Variants in TTYH2 observed in about 807,000 individuals in gnomAD.
TTYH2 encodes tweety family member 2.
In TTYH2, 49 loss-of-function variants were observed where a neutral mutation model predicts 68.3. The observed-to-expected ratio is 0.72, with a 90% CI of 0.57 to 0.91. The LOEUF (loss-of-function observed/expected upper bound fraction) is 0.91, where lower values mean the gene tolerates loss of function less well. Among genes scored for constraint, TTYH2 ranks in the 40% least tolerant of loss-of-function variants. The pLI, the probability that TTYH2 is intolerant of heterozygous loss-of-function variation, is 0.00. For missense variants in TTYH2, 631 were observed against 700.4 expected (o/e 0.90, Z 1.12); for synonymous variants, 272 against 300.8 (o/e 0.90, Z 0.99).
intron 3 of TTYH2, among the ~76,000 whole-genome samples, chr17:74,233,535 C>T (rs910860781): frequency 7.9e-5 from 12 of 152,142 alleles, no homozygotes; most frequent in African/African-American, 2.9e-4. Context: ...ATGGGGGACT[C>T]GTCGACAGGT....
chr17:74,213,821 TTC>T lies in TTYH2; in HGVS notation c.129+110_129+111del. 7.2e-7 allele frequency: 1 copy of T among 1,381,352 alleles called. No individual in the cohort carries two copies. The highest frequency in any genetic ancestry group is 9.8e-7 in the Non-Finnish European group (1 of 1,015,514). 85.6% of individuals were successfully genotyped at this position (1,381,352 alleles called of 1,614,324 possible). A position where few individuals can be genotyped will look rare whatever the true frequency, so the allele number is the denominator to read the frequency against. On this transcript the variant is annotated intron_variant, in intron 1 of 13. Coordinates refer to ENST00000269346, the MANE Select transcript of TTYH2 (RefSeq NM_032646.6). This position sits in a 1 kb window ranked among gnomAD's most constrained non-coding sequence, Gnocchi z 6.1. ...CTTTCCCACGTGCCTCTCAGACCCC[TTC>T]TCTCCCCGCGCAGCCCTTTCCCGTC...
intron 7 of TTYH2, 128 bp from the exon 8 acceptor site, chr17:74,249,216 C>A: frequency 6.5e-7 from 1 of 1,548,476 alleles, no homozygotes; most frequent in Non-Finnish European, 8.9e-7. Context: ...TGCTCTAGGC[C>A]ATTTCCTAGA....
chr17:74,251,166 ATGTGCATGCTTGTGCGCATGTGTGC>A (rs1439452964), intron 10 of TTYH2, among the ~76,000 whole-genome samples: 1 of 148,866 alleles, frequency 6.7e-6, no homozygotes, highest in Non-Finnish European at 1.5e-5. Flanking sequence ...TGTGTGTGGT[ATGTGCATGCTTGTGCGCATGTGTGC>A]TGTGCATGCG....
chr17:74,244,237 G>C (rs1054785317), intron 6 of TTYH2, among the ~76,000 whole-genome samples, 188 bp downstream of exon 6: 1 of 152,246 alleles, frequency 6.6e-6, no homozygotes, highest in Non-Finnish European at 1.5e-5. Context: ...CCCAGAGAAA[G>C]GAAGGGGACT....
chr17:74,217,024 A>G lies in TTYH2; in HGVS notation c.129+3308A>G, dbSNP rs1204250182. Among the ~76,000 whole-genome samples the G allele has an allele frequency of 1.3e-5, 2 of 152,226 alleles. No homozygotes were observed. Among genetic ancestry groups the G allele is most frequent in the Admixed American group, 6.5e-5 (1 of 15,278 alleles). ...CAGTGTTGGGGAGAAGGGAATGGGC[A>G]CCTGGCACTGAATCCAGCAATGTCT... On this transcript the variant is annotated intron_variant, in intron 1 of 13. Transcript: ENST00000269346. The surrounding 1 kb of genome is among the most constrained non-coding windows in gnomAD (Gnocchi z 4.0).
chr17:74,257,473 C>A (rs1425170652), intron 13 of TTYH2, among the ~76,000 whole-genome samples: 1 of 152,162 alleles, frequency 6.6e-6, no homozygotes, highest in African/African-American at 2.4e-5. Flanking sequence ...CTGCGCCCCA[C>A]CCTCCCCGGG....
chr17:74,227,782 GC>G (rs549744882), intron 2 of TTYH2, among the ~76,000 whole-genome samples: 2 of 141,220 alleles, frequency 1.4e-5, no homozygotes, highest in Admixed American at 7.1e-5. Context: ...AATGTCTCCT[GC>G]CCCCCCATCT....
chr17:74,253,913 C>T (rs770322139), intron 13 of TTYH2, 80 bp downstream of exon 13: 5 of 1,429,384 alleles, frequency 3.5e-6, no homozygotes, highest in Non-Finnish European at 4.9e-6. Flanking sequence ...ATCCTGTCCA[C>T]AAAGGCAGAA....
At chr17:74,228,275 C>T (rs146391319) in intron 2 of TTYH2, among the ~76,000 whole-genome samples, 317 of 152,244 alleles carry the variant, frequency 2.1e-3, no homozygotes, top group African/African-American at 7.2e-3. Context: ...TGAGCCACTG[C>T]GCCTGGTAGG....
Position 74,222,319 on chromosome 17 carries a change from G to A in TTYH2, c.130-166G>A, listed in dbSNP as rs1421301591. On this transcript the variant is annotated intron_variant, in intron 1 of 13. Transcript: ENST00000269346. This position sits in a 1 kb window ranked among gnomAD's most constrained non-coding sequence, Gnocchi z 5.2. ...ACTCCCACCCAAGTGCCTCAGCGCC[G>A]GGCCCTCTGTTTACAGAGTAGGAGC... 2.6e-5 allele frequency among the ~76,000 whole-genome samples: 4 copies of A among 152,320 alleles called. No individual in the cohort carries two copies. The South Asian group carries it at 6.2e-4, about 24-fold the overall frequency.
At chr17:74,259,736 G>A (rs1442468262) in intron 13 of TTYH2, among the ~76,000 whole-genome samples, 1 of 152,132 alleles carries the variant, frequency 6.6e-6, no homozygotes, top group East Asian at 1.9e-4. Context: ...GCTAGAAAAG[G>A]CTGGAGAACC....
rs746398267 is a variant in TTYH2 at position 74,255,748 on chromosome 17, AT to A, written c.1524+1918del. Among the ~76,000 whole-genome samples the A allele has an allele frequency of 3.2e-4, 48 of 152,296 alleles. No individual in the cohort carries two copies. In the Middle Eastern group the frequency reaches 0.01, roughly 32 times the overall value. ...CACCGTGCCCGGCCAGAGCTGTGGC[AT>A]TTATAAGAAAGGACAAGGGGAATGA... On this transcript the variant is annotated intron_variant, in intron 13 of 13. Transcript: ENST00000269346.
In TTYH2 at chr17:74,232,899, C is replaced by T. The variant is rs2050404427; in HGVS notation, c.414+1900C>T. ...GGCCCCCAGGCTGGGGCCTCCCACC[C>T]CATGGCCTGATGGTGCTCCAGGGCC... is the stretch of plus-strand genomic sequence containing the variant. On this transcript the variant is annotated intron_variant, in intron 3 of 13. Coordinates refer to ENST00000269346, the MANE Select transcript of TTYH2 (RefSeq NM_032646.6). This position sits in a 1 kb window ranked among gnomAD's most constrained non-coding sequence, Gnocchi z 5.1. Among the ~76,000 whole-genome samples, 1 of 152,226 alleles carries T rather than the reference C, an allele frequency of 6.6e-6. No homozygotes were observed. Among genetic ancestry groups the T allele is most frequent in the Non-Finnish European group, 1.5e-5 (1 of 68,028 alleles).
intron 6 of TTYH2, among the ~76,000 whole-genome samples, chr17:74,244,748 C>T (rs917589966): frequency 2.0e-5 from 3 of 152,080 alleles, no homozygotes; most frequent in Non-Finnish European, 4.4e-5. Flanking sequence ...CCTGGGGTTG[C>T]GGAAGCCAAG....
chr17:74,248,351 A>G (rs992784613), intron 6 of TTYH2: 1 of 985,972 alleles, frequency 1.0e-6, no homozygotes, highest in Non-Finnish European at 1.2e-6. Context: ...ACCCTGCCGC[A>G]TGGGCCTTAG....
intron 4 of TTYH2, 45 bp downstream of exon 4, chr17:74,237,559 A>G (rs1417027151): frequency 3.9e-6 from 6 of 1,537,128 alleles, no homozygotes; most frequent in Non-Finnish European, 5.3e-6. Flanking sequence ...CAGCGGCTAC[A>G]TCAGCTTTGT....
At chr17:74,234,166 C>T (rs374480957) in intron 3 of TTYH2, among the ~76,000 whole-genome samples, 1 of 152,198 alleles carries the variant, frequency 6.6e-6, no homozygotes, top group Non-Finnish European at 1.5e-5. Context: ...CTTCAGCGGT[C>T]CTGGGGCAGG....
Position 74,222,780 on chromosome 17 carries a change from T to C in TTYH2, c.302+123T>C, listed in dbSNP as rs1470415882. On this transcript the variant is annotated intron_variant, in intron 2 of 13. Transcript: ENST00000269346. This position sits in a 1 kb window ranked among gnomAD's most constrained non-coding sequence, Gnocchi z 5.2. ...ATGGAAAAGCTTGTCCCCAGATGAA[T>C]GTTGTCCCTTTTTTTTTTTTTACCA... 3 of 1,217,882 alleles carry C rather than the reference T, an allele frequency of 2.5e-6. No homozygotes were observed. The highest frequency in any genetic ancestry group is 3.1e-5 in the Admixed American group (1 of 32,462). 75.4% of individuals were successfully genotyped at this position (1,217,882 alleles called of 1,614,324 possible). A position where few individuals can be genotyped will look rare whatever the true frequency, so the allele number is the denominator to read the frequency against.
chr17:74,215,828 C>A lies in TTYH2; in HGVS notation c.129+2112C>A. On this transcript the variant is annotated intron_variant, in intron 1 of 13. Coordinates refer to ENST00000269346, the MANE Select transcript of TTYH2 (RefSeq NM_032646.6). The surrounding 1 kb of genome is among the most constrained non-coding windows in gnomAD (Gnocchi z 4.3). ...TCATCCCAGTCTTCAGCAAGCTTGACTGGAGCAAGTGCTATGCCAGGCGTG... is the reference window on the plus strand; with the variant it reads ...TCATCCCAGTCTTCAGCAAGCTTGAATGGAGCAAGTGCTATGCCAGGCGTG... 1 of 1,065,490 alleles carries A rather than the reference C, an allele frequency of 9.4e-7. No individual in the cohort carries two copies. Among genetic ancestry groups the A allele is most frequent in the Non-Finnish European group, 1.4e-6 (1 of 726,352 alleles). 66.0% of individuals were successfully genotyped at this position (1,065,490 alleles called of 1,614,324 possible).
Sources: gnomAD v4.1 joint callset for allele counts (sites outside exome capture counted in the v4.1 genomes callset) on GRCh38, gnomAD v4.1.1 for gene constraint, Gnocchi (gnomAD v3.1) non-coding constraint, MANE v1.5 for transcripts, NCBI Gene and HGNC (gene_info 2026-07-23, HGNC 2026-07-21) for gene names.